The following SOS1 variants were observed in gnomAD, a reference collection of about 807,000 sequenced individuals.
SOS1 encodes son of sevenless homolog 1.
In SOS1, 25 loss-of-function variants were observed where a neutral mutation model predicts 157.6. The ratio of observed to expected loss-of-function variants is 0.16; its 90% CI spans 0.12 to 0.22. The LOEUF (loss-of-function observed/expected upper bound fraction) is 0.22, where lower values mean the gene tolerates loss of function less well. Ranked by LOEUF, SOS1 falls within the 10% of genes least tolerant of loss-of-function variation. The pLI is 1.00. For missense variants in SOS1, 1,237 were observed against 1,599.1 expected (o/e 0.77, Z 3.86); for synonymous variants, 528 against 534.0 (o/e 0.99, Z 0.16).
chr2:39,007,830 C>T (rs917147111), intron 15 of SOS1, among the ~76,000 whole-genome samples: 1 of 152,142 alleles, frequency 6.6e-6, no homozygotes, highest in Non-Finnish European at 1.5e-5. Flanking sequence ...CACAAACACA[C>T]ACATGCACAC....
chr2:39,067,608 C>G lies in SOS1; in HGVS notation c.213+20G>C. On this transcript the variant is annotated intron_variant, in intron 2 of 22. Transcript: ENST00000402219. ...ACACAAATTAGATATAAAGTAAATA[C>G]AAGACAACATTTGTCATACCTCTAC... 1.2e-6 allele frequency: 2 copies of G among 1,609,102 alleles called. No individual in the cohort carries two copies. Among genetic ancestry groups the G allele is most frequent in the Non-Finnish European group, 1.7e-6 (2 of 1,175,608 alleles).
Position 38,995,203 on chromosome 2 carries a change from G to A in SOS1, c.3266C>T (p.Pro1089Leu). 6.2e-7 allele frequency: 1 copy of A among 1,613,938 alleles called. No individual in the cohort carries two copies. The highest frequency in any genetic ancestry group is 8.5e-7 in the Non-Finnish European group (1 of 1,179,856). The part of the protein sequence containing the change: ...APNSPRTPLT[P>L]PPASGASSTT... Reference sequence around the variant, plus strand: ...ACTGGAAGCACCAGAAGCAGGCGGAGGTGTTAACGGTGTTCTTGGAGAATT... The same window carrying A: ...ACTGGAAGCACCAGAAGCAGGCGGAAGTGTTAACGGTGTTCTTGGAGAATT... Residue 1089 changes from proline to leucine, a missense_variant, in exon 20 of 23, where the codon CCT becomes CTT. Transcript: ENST00000402219.
At chr2:39,066,177 T>TA (rs1253057538) in intron 2 of SOS1, among the ~76,000 whole-genome samples, 1 of 152,158 alleles carries the variant, frequency 6.6e-6, no homozygotes, top group Non-Finnish European at 1.5e-5. Flanking sequence ...ATGTGTGCCA[T>TA]AAAAACATTA....
At chr2:39,006,604 G>C in intron 16 of SOS1, 75 bp from the exon 17 acceptor site, 1 of 787,716 alleles carries the variant, frequency 1.3e-6, no homozygotes, top group Non-Finnish European at 2.3e-6. Flanking sequence ...TAGGCTAACA[G>C]AAACGCCCAA....
chr2:39,115,406 CTTTTTTTTTT>C (rs550526461), intron 1 of SOS1, among the ~76,000 whole-genome samples: 3 of 64,064 alleles, frequency 4.7e-5, no homozygotes, highest in South Asian at 5.5e-4. Flanking sequence ...TGTTCTCTCT[CTTTTTTTTTT>C]TTTTTTTTTT....
intron 1 of SOS1, among the ~76,000 whole-genome samples, chr2:39,086,331 C>A (rs1422302500): frequency 6.6e-6 from 1 of 151,850 alleles, no homozygotes; most frequent in Non-Finnish European, 1.5e-5. Context: ...TAGGTAGGGC[C>A]CAGATCACTG....
At chr2:39,119,526 C>T (rs1259435250) in intron 1 of SOS1, among the ~76,000 whole-genome samples, 1 of 152,214 alleles carries the variant, frequency 6.6e-6, no homozygotes, top group Non-Finnish European at 1.5e-5. Flanking sequence ...GTAAAGCAAT[C>T]TTTACAGAAA....
At chr2:39,026,047 T>C (rs1669950498) in intron 8 of SOS1, among the ~76,000 whole-genome samples, 1 of 152,312 alleles carries the variant, frequency 6.6e-6, no homozygotes, top group East Asian at 1.9e-4. Flanking sequence ...TTTTCAGTCT[T>C]AACTGTGTTA....
intron 6 of SOS1, among the ~76,000 whole-genome samples, chr2:39,050,448 A>G (rs764170188): frequency 1.3e-5 from 2 of 152,172 alleles, no homozygotes; most frequent in Non-Finnish European, 2.9e-5. Flanking sequence ...AGATAGGTAA[A>G]TATTTCAGAT....
chr2:39,123,404 G>C (rs1673965373), upstream of SOS1, among the ~76,000 whole-genome samples: 1 of 149,924 alleles, frequency 6.7e-6, no homozygotes, highest in Admixed American at 6.7e-5. Context: ...TTGTTGCCCA[G>C]GCTAGAATGC....
At chr2:38,998,288 C>G (rs1668969818) in intron 17 of SOS1, among the ~76,000 whole-genome samples, 1 of 151,786 alleles carries the variant, frequency 6.6e-6, no homozygotes, top group Non-Finnish European at 1.5e-5. Flanking sequence ...CTCACTCTGT[C>G]TCCCAGGCTA....
chr2:39,054,894 T>C (rs1671152897), intron 4 of SOS1, 71 bp from the exon 5 acceptor site: 7 of 845,970 alleles, frequency 8.3e-6, no homozygotes, highest in Non-Finnish European at 1.4e-5. Context: ...TGAAATGCTC[T>C]AAGTTCTCTG....
intron 1 of SOS1, among the ~76,000 whole-genome samples, chr2:39,115,603 A>G (rs950101094): frequency 6.6e-6 from 1 of 151,532 alleles, no homozygotes; most frequent in Non-Finnish European, 1.5e-5. Flanking sequence ...GTTTTGGCTA[A>G]TTTTTTAAGT....
In SOS1 at chr2:39,082,671, T is replaced by C. The variant is rs536458813; in HGVS notation, c.88-14918A>G. On this transcript the variant is annotated intron_variant, in intron 1 of 22. Coordinates refer to ENST00000402219, the MANE Select transcript of SOS1 (RefSeq NM_005633.4). ...TCCTGCGCAAGGATGACATGTATAT[T>C]TGTGAAGCGTTCCATTACTTTTATT... 6.6e-5 allele frequency: 10 copies of C among 152,172 alleles called. No individual in the cohort carries two copies. The South Asian group carries it at 2.1e-3, about 32-fold the overall frequency. The allele number at this position is 152,172 out of a possible 1,614,324, so 9.4% of individuals were successfully genotyped here. A position where few individuals can be genotyped will look rare whatever the true frequency, so the allele number is the denominator to read the frequency against.
At chr2:39,044,864 G>GCGCACACACACA (rs147443441) in intron 6 of SOS1, among the ~76,000 whole-genome samples, 3,858 of 147,706 alleles carry the variant, frequency 0.026, 73 homozygotes, top group Non-Finnish European at 0.037. Flanking sequence ...GCGCGCGCGC[G>GCGCACACACACA]CACACACACA....
At chr2:39,108,344 T>C (rs1327883025) in intron 1 of SOS1, among the ~76,000 whole-genome samples, 3 of 152,154 alleles carry the variant, frequency 2.0e-5, no homozygotes, top group Non-Finnish European at 4.4e-5. Context: ...TGTGTGTCAG[T>C]TCCCTGCTTA....
chr2:39,107,293 C>T (rs555832680), intron 1 of SOS1, among the ~76,000 whole-genome samples: 4 of 152,222 alleles, frequency 2.6e-5, no homozygotes, highest in African/African-American at 9.6e-5. Context: ...GTGTTTGTGT[C>T]GAGGCCAGTT....
At chr2:39,009,775 G>A (rs1308517154) in intron 15 of SOS1, among the ~76,000 whole-genome samples, 6 of 152,242 alleles carry the variant, frequency 3.9e-5, no homozygotes, top group South Asian at 2.1e-4. Flanking sequence ...CTACATAGGA[G>A]TAATATTTCA....
chr2:39,075,003 T>G (rs534378305), intron 1 of SOS1, among the ~76,000 whole-genome samples: 2 of 150,878 alleles, frequency 1.3e-5, no homozygotes, highest in South Asian at 2.1e-4. Flanking sequence ...TGCTAAGGAG[T>G]TGGGAAGTGA....
Sources: gnomAD v4.1 joint callset for allele counts (sites outside exome capture counted in the v4.1 genomes callset) on GRCh38, gnomAD v4.1.1 for gene constraint, MANE v1.5 for transcripts, NCBI Gene and HGNC (gene_info 2026-07-23, HGNC 2026-07-21) for gene names.